Variants in ENOX1 observed in about 807,000 individuals in gnomAD.
The protein encoded by ENOX1 is ecto-NOX disulfide-thiol exchanger 1, also known as candidate growth-related and time keeping constitutive hydroquinone (NADH) oxidase.
A neutral mutation model predicts 82.5 loss-of-function variants in ENOX1; 42 were observed. The observed-to-expected ratio is 0.51, with a 90% CI of 0.40 to 0.66. The LOEUF (loss-of-function observed/expected upper bound fraction) is 0.66, where lower values mean the gene tolerates loss of function less well. ENOX1 is among the 30% of genes least tolerant of loss of function. The probability of loss-of-function intolerance (pLI) is 0.00; values close to 1 mark genes in which losing one functional copy is unlikely to be tolerated. For synonymous variants in ENOX1, 271 were observed against 282.2 expected (o/e 0.96, Z 0.40); for missense variants, 608 against 811.6 (o/e 0.75, Z 3.05).
intron 2 of ENOX1, among the ~76,000 whole-genome samples, chr13:43,644,549 A>G (rs1236729762): frequency 6.6e-6 from 1 of 152,202 alleles, no homozygotes; most frequent in African/African-American, 2.4e-5. Context: ...TTAAAGCTTC[A>G]CCCAAGCTGA....
chr13:43,255,171 T>C (rs1053447668), intron 14 of ENOX1, among the ~76,000 whole-genome samples: 3 of 152,070 alleles, frequency 2.0e-5, no homozygotes, highest in African/African-American at 7.2e-5. Flanking sequence ...GTACATCACA[T>C]TAACAGAACC....
At chr13:43,709,326 T>C (rs567890141) in intron 1 of ENOX1, among the ~76,000 whole-genome samples, 3 of 152,050 alleles carry the variant, frequency 2.0e-5, no homozygotes, top group Admixed American at 6.6e-5. Flanking sequence ...TACTATGTAG[T>C]AAAATCAGAA....
intron 12 of ENOX1, among the ~76,000 whole-genome samples, chr13:43,293,669 T>C (rs1236602098): frequency 6.6e-6 from 1 of 152,210 alleles, no homozygotes; most frequent in Non-Finnish European, 1.5e-5. Flanking sequence ...ACTAAGCAAC[T>C]AAATAGTTTA....
chr13:43,368,188 T>C (rs2050974386), intron 5 of ENOX1, among the ~76,000 whole-genome samples: 1 of 152,136 alleles, frequency 6.6e-6, no homozygotes, highest in Non-Finnish European at 1.5e-5. Flanking sequence ...GTATCCAGAG[T>C]GAGTTCCTGG....
At chr13:43,478,037 G>A (rs1484945228) in intron 3 of ENOX1, among the ~76,000 whole-genome samples, 3 of 146,782 alleles carry the variant, frequency 2.0e-5, no homozygotes, top group Admixed American at 1.4e-4. Context: ...TAGGATTAAT[G>A]GCAAGGAGCC....
intron 14 of ENOX1, among the ~76,000 whole-genome samples, chr13:43,247,856 TATATATA>T (rs2043187382): frequency 1.2e-3 from 5 of 4,332 alleles, no homozygotes; most frequent in Non-Finnish European, 2.2e-3. Context: ...TATATATATA[TATATATA>T]TATATATATA....
chr13:43,338,992 G>C (rs2048905943), intron 9 of ENOX1, among the ~76,000 whole-genome samples: 1 of 152,020 alleles, frequency 6.6e-6, no homozygotes, highest in African/African-American at 2.4e-5. Flanking sequence ...GCCTCGGGTT[G>C]GGTTTAATTA....
rs2044571632 is a variant in ENOX1 at position 43,269,559 on chromosome 13, C to T, written c.1465G>A (p.Glu489Lys). Residue 489 changes from glutamate to lysine, a missense_variant, in exon 13 of 17, where the codon GAG (glutamate) becomes AAG (lysine). Transcript: ENST00000690772. The part of the protein sequence containing the change: ...GMQQQLLTIQ[E>K]ELNNKKSELE... The stretch of plus-strand genomic sequence containing the variant: ...TCTGACTTTTTGTTGTTTAACTCCT[C>T]CTGGATGGTTAGCAATTGCTGTGAA... 1.2e-6 allele frequency: 2 copies of T among 1,613,588 alleles called. No individual in the cohort carries two copies. Among genetic ancestry groups the T allele is most frequent in the Middle Eastern group, 1.6e-4 (1 of 6,076 alleles).
intron 2 of ENOX1, among the ~76,000 whole-genome samples, chr13:43,642,042 T>C (rs1386010024): frequency 2.0e-5 from 3 of 152,194 alleles, no homozygotes; most frequent in Non-Finnish European, 2.9e-5. Context: ...AACAAGATCA[T>C]TAGATATTAT....
At chr13:43,349,378 C>T (rs906320415) in intron 8 of ENOX1, among the ~76,000 whole-genome samples, 2 of 152,108 alleles carry the variant, frequency 1.3e-5, no homozygotes, top group African/African-American at 4.8e-5. Context: ...ATTCTGGGAA[C>T]GTAATTGCTC....
At chr13:43,766,294 C>T (rs1951259229) in intron 1 of ENOX1, among the ~76,000 whole-genome samples, 1 of 152,196 alleles carries the variant, frequency 6.6e-6, no homozygotes, top group Admixed American at 6.5e-5. Flanking sequence ...TGATAATGGT[C>T]TCATATTTCA....
chr13:43,421,482 A>G (rs573167532), intron 3 of ENOX1, among the ~76,000 whole-genome samples: 1 of 152,320 alleles, frequency 6.6e-6, no homozygotes, highest in Non-Finnish European at 1.5e-5. Context: ...TCCCAAAAGC[A>G]TAAGTTGAAC....
intron 7 of ENOX1, among the ~76,000 whole-genome samples, chr13:43,356,663 G>A (rs79106643): frequency 7.0e-4 from 107 of 152,232 alleles, no homozygotes; most frequent in African/African-American, 2.5e-3. Context: ...TCACTCACAG[G>A]TTATTGCTAC....
chr13:43,706,533 A>G (rs1047018406), intron 1 of ENOX1, among the ~76,000 whole-genome samples: 2 of 152,086 alleles, frequency 1.3e-5, no homozygotes, highest in Non-Finnish European at 1.5e-5. Context: ...AGTAATACAT[A>G]AACAGATAAT....
intron 5 of ENOX1, among the ~76,000 whole-genome samples, chr13:43,392,999 T>C (rs2052890706): frequency 6.6e-6 from 1 of 152,152 alleles, no homozygotes; most frequent in Non-Finnish European, 1.5e-5. Flanking sequence ...CAATTATAAG[T>C]CAGTATAAAA....
chr13:43,587,698 T>C (rs1245796232), intron 2 of ENOX1, among the ~76,000 whole-genome samples: 3 of 152,216 alleles, frequency 2.0e-5, no homozygotes, highest in African/African-American at 4.8e-5. Flanking sequence ...CACTTCATAA[T>C]TGGAACCATT....
chr13:43,760,460 T>A (rs1950901329), intron 1 of ENOX1, among the ~76,000 whole-genome samples: 1 of 152,150 alleles, frequency 6.6e-6, no homozygotes, highest in African/African-American at 2.4e-5. Context: ...TGCTGTCCCC[T>A]GCCATCTGTC....
chr13:43,509,046 G>A (rs1003231179), intron 2 of ENOX1, among the ~76,000 whole-genome samples: 5 of 151,880 alleles, frequency 3.3e-5, no homozygotes, highest in African/African-American at 7.3e-5. Flanking sequence ...ATAAGGTCTT[G>A]TTGGTAATTC....
At chr13:43,417,473 T>C (rs1229998264) in intron 3 of ENOX1, among the ~76,000 whole-genome samples, 3 of 152,254 alleles carry the variant, frequency 2.0e-5, no homozygotes, top group Admixed American at 6.5e-5. Flanking sequence ...TAGTAATTTA[T>C]GAATAGTTGC....
Sources: allele counts gnomAD v4.1 joint callset (sites outside exome capture counted in the v4.1 genomes callset), GRCh38; gene constraint gnomAD v4.1.1; transcripts MANE v1.5; gene names NCBI Gene and HGNC (gene_info 2026-07-23, HGNC 2026-07-21).